The following SCFD2 variants were observed in gnomAD, a reference collection of about 807,000 sequenced individuals.
SCFD2 encodes sec1 family domain-containing protein 2.
Under a neutral mutation model 58.9 loss-of-function variants are expected in SCFD2, and 54 were observed. That is an observed-to-expected ratio of 0.92 (90% CI 0.74 to 1.15). SCFD2 has a LOEUF of 1.15. Ranked by LOEUF, SCFD2 falls within the 50% of genes most tolerant of loss-of-function variation. The pLI, the probability that SCFD2 is intolerant of heterozygous loss-of-function variation, is 0.00. For missense variants in SCFD2, 805 were observed against 836.6 expected (o/e 0.96, Z 0.47); for synonymous variants, 321 against 335.9 (o/e 0.96, Z 0.49).
At chr4:53,129,470 A>G (rs1215507280) in intron 5 of SCFD2, among the ~76,000 whole-genome samples, 1 of 152,232 alleles carries the variant, frequency 6.6e-6, no homozygotes, top group African/African-American at 2.4e-5. Flanking sequence ...ATGGTTGCAC[A>G]CATACATTCT....
At chr4:53,014,441 CATTT>C (rs1722165008) in intron 5 of SCFD2, among the ~76,000 whole-genome samples, 1 of 152,178 alleles carries the variant, frequency 6.6e-6, no homozygotes, top group African/African-American at 2.4e-5. Flanking sequence ...TGGTATGTAA[CATTT>C]ATTTGTACAG....
chr4:52,960,623 C>A (rs1720824303), intron 5 of SCFD2, among the ~76,000 whole-genome samples: 2 of 152,102 alleles, frequency 1.3e-5, no homozygotes, highest in African/African-American at 4.8e-5. Context: ...CCTGTCTCAG[C>A]CTCCCAAAGT....
intron 5 of SCFD2, among the ~76,000 whole-genome samples, chr4:53,116,756 A>G (rs1477324882): frequency 2.0e-5 from 3 of 152,326 alleles, no homozygotes; most frequent in South Asian, 2.1e-4. Context: ...CATATCTGAC[A>G]ATGAAAAGAA....
intron 5 of SCFD2, among the ~76,000 whole-genome samples, chr4:53,097,073 T>C (rs1724673795): frequency 6.6e-6 from 1 of 152,236 alleles, no homozygotes; most frequent in African/African-American, 2.4e-5. Context: ...CATTGGTCTA[T>C]ATCTCTGTTT....
intron 4 of SCFD2, among the ~76,000 whole-genome samples, chr4:53,272,368 T>C (rs1731197637): frequency 6.6e-6 from 1 of 152,152 alleles, no homozygotes; most frequent in Admixed American, 6.6e-5. Context: ...CCCAAAGGAT[T>C]AGAAATCATG....
In SCFD2 at chr4:53,213,844, C is replaced by T. The variant is rs1395248176; in HGVS notation, c.1311+59982G>A. Among the ~76,000 whole-genome samples the T allele has an allele frequency of 4.6e-5, 7 of 152,024 alleles. 1 individual carries two copies. The East Asian group carries it at 5.8e-4, about 13-fold the overall frequency. ...CGACAGGCCCTGGTGTGTGATGTTC[C>T]GCTTCCTGTGTCCATGTATTCTCAT... On this transcript the variant is annotated intron_variant, in intron 4 of 8. Coordinates refer to ENST00000401642, the MANE Select transcript of SCFD2 (RefSeq NM_152540.4).
At chr4:53,238,262 A>G (rs1472061526) in intron 4 of SCFD2, among the ~76,000 whole-genome samples, 2 of 110,980 alleles carry the variant, frequency 1.8e-5, no homozygotes, top group South Asian at 3.3e-4. Flanking sequence ...GGCCAGGCAG[A>G]GGCGCCCCTC....
At chr4:53,036,202 C>T (rs542059394) in intron 5 of SCFD2, among the ~76,000 whole-genome samples, 26 of 151,996 alleles carry the variant, frequency 1.7e-4, no homozygotes, top group Non-Finnish European at 2.5e-4. Context: ...AATGCTATCC[C>T]TCCCCCAGCC....
chr4:53,217,465 C>T (rs1383088958), intron 4 of SCFD2, among the ~76,000 whole-genome samples: 2 of 152,004 alleles, frequency 1.3e-5, no homozygotes, highest in East Asian at 1.9e-4. Context: ...GGATTGCAAC[C>T]CCTGCCTTTT....
chr4:53,037,649 C>G (rs952218812), intron 5 of SCFD2, among the ~76,000 whole-genome samples: 4 of 152,100 alleles, frequency 2.6e-5, no homozygotes, highest in African/African-American at 9.7e-5. Flanking sequence ...TGTTATGTAA[C>G]CAATGAAAAT....
At chr4:52,881,778 C>T (rs1478536548) in intron 8 of SCFD2, among the ~76,000 whole-genome samples, 1 of 152,126 alleles carries the variant, frequency 6.6e-6, no homozygotes, top group African/African-American at 2.4e-5. Flanking sequence ...TCCAGAAAAG[C>T]TGCTTTTCTG....
chr4:53,258,538 G>GTA (rs59321045), intron 4 of SCFD2, among the ~76,000 whole-genome samples: 2,756 of 119,110 alleles, frequency 0.023, 43 homozygotes, highest in Non-Finnish European at 0.027. Context: ...TGGTGTGTGT[G>GTA]TATATATATA....
At chr4:53,201,094 T>C (rs1728219097) in intron 4 of SCFD2, among the ~76,000 whole-genome samples, 1 of 152,120 alleles carries the variant, frequency 6.6e-6, no homozygotes, top group East Asian at 1.9e-4. Flanking sequence ...TACATATGTA[T>C]ACATGTGCCA....
At chr4:53,169,304 G>T (rs1006156996) in intron 4 of SCFD2, among the ~76,000 whole-genome samples, 1 of 152,176 alleles carries the variant, frequency 6.6e-6, no homozygotes, top group Non-Finnish European at 1.5e-5. Flanking sequence ...GCAGTTTTCA[G>T]TGAGCCGAGA....
At position 53,039,642 on chromosome 4, in the gene SCFD2, C is replaced by T. The variant is rs547594048; in HGVS notation, c.1561+105691G>A. On this transcript the variant is annotated intron_variant, in intron 5 of 8. Coordinates refer to ENST00000401642, the MANE Select transcript of SCFD2 (RefSeq NM_152540.4). ...AGGATTGGCTGCTCCACTCCTGCCC[C>T]GATAGATCACAGTAGCCTTAGTATA... 7.9e-5 allele frequency among the ~76,000 whole-genome samples: 12 copies of T among 152,280 alleles called. No individual in the cohort carries two copies. The South Asian group carries it at 1.2e-3, about 16-fold the overall frequency.
At chr4:53,227,385 A>C (rs1041923542) in intron 4 of SCFD2, among the ~76,000 whole-genome samples, 13 of 152,310 alleles carry the variant, frequency 8.5e-5, no homozygotes, top group Non-Finnish European at 1.8e-4. Flanking sequence ...GTTCACAAAG[A>C]AATTTAGATC....
At chr4:53,122,091 C>G (rs764853656) in intron 5 of SCFD2, among the ~76,000 whole-genome samples, 1 of 152,060 alleles carries the variant, frequency 6.6e-6, no homozygotes, top group Non-Finnish European at 1.5e-5. Flanking sequence ...CATTCTGAAC[C>G]CTAGTCTGGG....
intron 4 of SCFD2, among the ~76,000 whole-genome samples, chr4:53,222,063 A>C (rs1323923472): frequency 1.3e-5 from 2 of 152,338 alleles, no homozygotes; most frequent in Middle Eastern, 3.4e-3. Context: ...TATGACTAAA[A>C]CAGCTTTTCA....
At chr4:53,178,222 C>T (rs898646898) in intron 4 of SCFD2, among the ~76,000 whole-genome samples, 5 of 152,156 alleles carry the variant, frequency 3.3e-5, no homozygotes, top group African/African-American at 9.6e-5. Context: ...CCCTGACCCC[C>T]GAGTAGCCTA....
Sources: gnomAD v4.1 joint callset for allele counts (sites outside exome capture counted in the v4.1 genomes callset) on GRCh38, gnomAD v4.1.1 for gene constraint, MANE v1.5 for transcripts, NCBI Gene and HGNC (gene_info 2026-07-23, HGNC 2026-07-21) for gene names.